CAT: variants seen among roughly 807,000 people sequenced by gnomAD.
The protein encoded by CAT is catalase.
Under a neutral mutation model 59.0 loss-of-function variants are expected in CAT, and 43 were observed. That is an observed-to-expected ratio of 0.73 (90% confidence interval 0.57 to 0.94). The LOEUF is 0.94. Among genes scored for constraint, CAT ranks in the 40% least tolerant of loss-of-function variants. CAT has a pLI of 0.00. For missense variants in CAT, 664 were observed against 682.9 expected (o/e 0.97, Z 0.31); for synonymous variants, 218 against 230.9 (o/e 0.94, Z 0.51).
At chr11:34,440,687 C>T (rs1028223085) in intron 1 of CAT, among the ~76,000 whole-genome samples, 4 of 151,806 alleles carry the variant, frequency 2.6e-5, no homozygotes, top group African/African-American at 4.8e-5. Context: ...CTCAGCCTCC[C>T]GAGTAGCTGG....
chr11:34,471,077 G>T (rs1390705129), intron 12 of CAT, 36 bp downstream of exon 12: 1 of 1,563,410 alleles, frequency 6.4e-7, no homozygotes, highest in South Asian at 1.1e-5. Flanking sequence ...CAGAGGCTGT[G>T]TGTGCTGGGT....
intron 10 of CAT, among the ~76,000 whole-genome samples, chr11:34,466,287 G>A (rs953211330): frequency 3.3e-5 from 5 of 152,192 alleles, no homozygotes; most frequent in African/African-American, 4.8e-5. Context: ...AAACTCAAAT[G>A]ATTCTAGACC....
At chr11:34,439,495 TG>T (rs1049399232) in intron 1 of CAT, among the ~76,000 whole-genome samples, 25 of 152,214 alleles carry the variant, frequency 1.6e-4, no homozygotes, top group Admixed American at 5.9e-4. Context: ...TTCATAGTTG[TG>T]GGGTCCCAGC....
chr11:34,471,837 T>C lies in CAT; in HGVS notation c.*404T>C, dbSNP rs1856777150. 1 of 199,720 alleles carries C rather than the reference T, an allele frequency of 5.0e-6. No individual in the cohort carries two copies. Among genetic ancestry groups the C allele is most frequent in the Non-Finnish European group, 1.0e-5 (1 of 95,620 alleles). The allele number at this position is 199,720 out of a possible 1,614,324, so 12.4% of individuals were successfully genotyped here. A position where few individuals can be genotyped will look rare whatever the true frequency, so the allele number is the denominator to read the frequency against. On this transcript the variant is annotated 3_prime_UTR_variant, in exon 13 of 13. Transcript: ENST00000241052. ...AAGATAAAGATGATCTACTCAGAAA[T>C]TTTTATTTTTCTAAGGTTCTCATAG...
intron 1 of CAT, among the ~76,000 whole-genome samples, chr11:34,447,949 T>C (rs1297390274): frequency 6.6e-6 from 1 of 152,212 alleles, no homozygotes; most frequent in Admixed American, 6.5e-5. Flanking sequence ...CCTGCTGCCA[T>C]GTTGGCCTCT....
chr11:34,441,192 G>A (rs1856385490), intron 1 of CAT, among the ~76,000 whole-genome samples: 1 of 152,154 alleles, frequency 6.6e-6, no homozygotes, highest in African/African-American at 2.4e-5. Context: ...TTATGCATAT[G>A]CCTTATAGCC....
At chr11:34,471,250 A>T in intron 12 of CAT, 118 bp from the exon 13 acceptor site, 1 of 944,556 alleles carries the variant, frequency 1.1e-6, no homozygotes, top group Non-Finnish European at 1.7e-6. Context: ...AATTTAAGAC[A>T]GTTAAAGTGA....
chr11:34,459,012 T>C (rs1232948913), intron 8 of CAT, among the ~76,000 whole-genome samples: 3 of 152,198 alleles, frequency 2.0e-5, no homozygotes, highest in African/African-American at 7.2e-5. Context: ...ATAGGTTGTT[T>C]TTTTTTTAAA....
intron 6 of CAT, among the ~76,000 whole-genome samples, chr11:34,454,568 A>G (rs1856567498): frequency 6.6e-6 from 1 of 152,210 alleles, no homozygotes; most frequent in Non-Finnish European, 1.5e-5. Flanking sequence ...TCTCTCTCTT[A>G]GTGACATCCA....
At chr11:34,451,597 C>T (rs1856524114) in intron 3 of CAT, among the ~76,000 whole-genome samples, 1 of 152,190 alleles carries the variant, frequency 6.6e-6, no homozygotes, top group Non-Finnish European at 1.5e-5. Flanking sequence ...ATACCTAGTG[C>T]TTCACTAGTT....
intron 10 of CAT, among the ~76,000 whole-genome samples, chr11:34,465,689 A>G (rs186605862): frequency 4.5e-4 from 68 of 152,352 alleles, no homozygotes; most frequent in South Asian, 1.2e-3. Context: ...TAATTCTGTG[A>G]TGATGTATCA....
rs1297301794 is a variant in CAT, at chr11:34,449,236, C to G, written c.111C>G (p.Asp37Glu). The G allele has an allele frequency of 6.2e-7, 1 of 1,614,132 alleles. No homozygotes were observed. The highest frequency in any genetic ancestry group is 2.2e-5 in the East Asian group (1 of 44,882). Residue 37 changes from aspartate to glutamate, a missense_variant, in exon 2 of 13, where the codon GAC becomes GAG. By Grantham distance (45) the Asp-to-Glu change is conservative. Transcript: ENST00000241052. ...CTGGAGCTGGTAACCCAGTAGGAGA[C>G]AAACTTAATGTTATTACAGTAGGGC... is the stretch of plus-strand genomic sequence containing the variant. ...LTTGAGNPVGDKLNVITVGPR... is the reference protein window; with the variant it reads ...LTTGAGNPVGEKLNVITVGPR...
At chr11:34,442,820 G>T (rs900430847) in intron 1 of CAT, among the ~76,000 whole-genome samples, 9 of 151,982 alleles carry the variant, frequency 5.9e-5, no homozygotes, top group African/African-American at 2.2e-4. Context: ...GAAGGTTTAG[G>T]GTCCAGGGTC....
At position 34,453,875 on chromosome 11, in the gene CAT, C is replaced by T. The variant is rs1304105379; in HGVS notation, c.660C>T (p.Phe220=). ...TGAATGGATATGGATCACATACTTT[C>T]AAGCTGGTTAATGCAAATGGGGAGG... The part of the protein sequence containing the change: ...RHMNGYGSHT[F]KLVNANGEAV... The change falls in exon 6 of 13, where the codon TTC becomes TTT. Residue 220 remains phenylalanine, a synonymous_variant. Coordinates refer to ENST00000241052, the MANE Select transcript of CAT (RefSeq NM_001752.4). The T allele has an allele frequency of 6.2e-7, 1 of 1,613,900 alleles. No homozygotes were observed. Among genetic ancestry groups the T allele is most frequent in the South Asian group, 1.1e-5 (1 of 91,074 alleles).
intron 8 of CAT, among the ~76,000 whole-genome samples, chr11:34,458,104 A>G (rs994926688): frequency 6.6e-6 from 1 of 152,254 alleles, no homozygotes; most frequent in African/African-American, 2.4e-5. Context: ...TTTGTCTGAT[A>G]GGAGGTCAGC....
In CAT at chr11:34,465,152, G is replaced by T. The variant is rs938045179; in HGVS notation, c.1326+917G>T. Among the ~76,000 whole-genome samples the T allele has an allele frequency of 2.6e-5, 4 of 152,152 alleles. No homozygotes were observed. The East Asian group carries it at 7.7e-4, about 29-fold the overall frequency. ...CACACAATAAAATAATAAAGTTAAAGGTATAGTTGTTCTAGAGCTCTGTTT... is the reference window on the plus strand; with the variant it reads ...CACACAATAAAATAATAAAGTTAAATGTATAGTTGTTCTAGAGCTCTGTTT... On this transcript the variant is annotated intron_variant, in intron 10 of 12. Coordinates refer to ENST00000241052, the MANE Select transcript of CAT (RefSeq NM_001752.4).
intron 9 of CAT, 74 bp from the exon 10 acceptor site, chr11:34,464,031 C>T (rs1856683522): frequency 2.1e-6 from 3 of 1,442,984 alleles, no homozygotes; most frequent in East Asian, 4.5e-5. Flanking sequence ...ATTTATTTCT[C>T]ATCACAGTGA....
At position 34,452,172 on chromosome 11, in the gene CAT, A is replaced by T. The variant is rs1369392597; in HGVS notation, c.445A>T (p.Asn149Tyr). The change falls in exon 4 of 13, where the codon AAC becomes TAC. Residue 149 changes from asparagine (N) to tyrosine (Y), a missense_variant. Asn to Tyr is a moderately radical substitution (Grantham distance 143). Coordinates refer to ENST00000241052, the MANE Select transcript of CAT (RefSeq NM_001752.4). ...EDGNWDLVGN[N>Y]TPIFFIRDPI... ...TGGTAACTGGGATCTCGTTGGAAAT[A>T]ACACCCCCATTTTCTTCATCAGGGA... 1 of 1,613,852 alleles carries T rather than the reference A, an allele frequency of 6.2e-7. No homozygotes were observed. Among genetic ancestry groups the T allele is most frequent in the African/African-American group, 1.3e-5 (1 of 75,014 alleles).
At position 34,456,189 on chromosome 11, in the gene CAT, T is replaced by G. The variant is rs200097958; in HGVS notation, c.890T>G (p.Phe297Cys). Residue 297 changes from phenylalanine to cysteine, a missense_variant, in exon 7 of 13, where the codon TTC (phenylalanine) becomes TGC (cysteine). Coordinates refer to ENST00000241052, the MANE Select transcript of CAT (RefSeq NM_001752.4). Reference sequence around the variant, plus strand: ...GCAGAAACTTTTCCATTTAATCCATTCGATCTCACCAAGGTGAGTCAGTAA... The same window carrying G: ...GCAGAAACTTTTCCATTTAATCCATGCGATCTCACCAAGGTGAGTCAGTAA... ...NQAETFPFNPFDLTKVWPHKD... is the reference protein window; with the variant it reads ...NQAETFPFNPCDLTKVWPHKD... 2 of 1,613,556 alleles carry G rather than the reference T, an allele frequency of 1.2e-6. No individual in the cohort carries two copies. The highest frequency in any genetic ancestry group is 4.5e-5 in the East Asian group (2 of 44,884).
Sources: gnomAD v4.1 joint callset for allele counts (sites outside exome capture counted in the v4.1 genomes callset) on GRCh38, gnomAD v4.1.1 for gene constraint, MANE v1.5 for transcripts, NCBI Gene and HGNC (gene_info 2026-07-23, HGNC 2026-07-21) for gene names.